The following RYR3 variants were observed in gnomAD, a reference collection of about 807,000 sequenced individuals.
RYR3 encodes the protein brain ryanodine receptor-calcium release channel.
A neutral mutation model predicts 584.3 loss-of-function variants in RYR3; 207 were observed. The ratio of observed to expected loss-of-function variants is 0.35; its 90% CI spans 0.32 to 0.40. The LOEUF is 0.40. Among genes scored for constraint, RYR3 ranks in the 10% least tolerant of loss-of-function variants. The pLI is 1.00. For missense variants in RYR3, 5,616 were observed against 6,089.2 expected, an observed-to-expected ratio of 0.92 and a Z score of 2.59; for synonymous variants, 2,416 against 2,248.5, an observed-to-expected ratio of 1.07 and a Z score of -2.11.
At chr15:33,572,656 T>TACACACACAC (rs1189671888) in intron 12 of RYR3, among the ~76,000 whole-genome samples, 98 of 124,448 alleles carry the variant, frequency 7.9e-4, no homozygotes, top group Non-Finnish European at 1.4e-3. Flanking sequence ...AAAAACTATA[T>TACACACACAC]ATACACACAC....
At chr15:33,571,338 T>A (rs1594955) in intron 12 of RYR3, among the ~76,000 whole-genome samples, 99,697 of 152,018 alleles carry the variant, frequency 0.66, 33,666 homozygotes, top group Middle Eastern at 0.76. Context: ...TCTATCGATA[T>A]GATCATATAG....
At chr15:33,357,431 GTCACCC>G (rs1218781596) in intron 1 of RYR3, among the ~76,000 whole-genome samples, 1 of 152,118 alleles carries the variant, frequency 6.6e-6, no homozygotes, top group African/African-American at 2.4e-5. Flanking sequence ...GTCACCCTTT[GTCACCC>G]TCACCTGTCA....
At chr15:33,733,130 G>C (rs4779641) in intron 48 of RYR3, among the ~76,000 whole-genome samples, 57,255 of 152,164 alleles carry the variant, frequency 0.38, 11,209 homozygotes, top group Admixed American at 0.48. Flanking sequence ...AACAGGAACT[G>C]TCATTCATTG....
intron 16 of RYR3, among the ~76,000 whole-genome samples, chr15:33,598,903 A>T (rs1469749445): frequency 6.6e-6 from 1 of 152,112 alleles, no homozygotes; most frequent in Non-Finnish European, 1.5e-5. Flanking sequence ...AAATACAAAA[A>T]AATTAGCCAG....
intron 1 of RYR3, among the ~76,000 whole-genome samples, chr15:33,425,767 G>A (rs1404921145): frequency 6.7e-6 from 1 of 149,254 alleles, no homozygotes; most frequent in African/African-American, 2.5e-5. Flanking sequence ...TCAGCCTCCC[G>A]AGTAGCTGGG....
intron 1 of RYR3, among the ~76,000 whole-genome samples, chr15:33,400,366 T>TC (rs1199467735): frequency 1.3e-5 from 2 of 152,070 alleles, no homozygotes; most frequent in African/African-American, 4.8e-5. Flanking sequence ...ATGGACTCCT[T>TC]CCCCCCGCCA....
intron 32 of RYR3, among the ~76,000 whole-genome samples, chr15:33,655,214 A>G (rs1566885326): frequency 6.6e-6 from 1 of 152,222 alleles, no homozygotes; most frequent in African/African-American, 2.4e-5. Context: ...GTAAAGTATT[A>G]TTCTTCTAGT....
chr15:33,511,415 G>A (rs769863746), intron 3 of RYR3, among the ~76,000 whole-genome samples: 86 of 149,500 alleles, frequency 5.8e-4, no homozygotes, highest in Non-Finnish European at 6.2e-4. Context: ...ACCTGCACAC[G>A]CTAAAATATC....
intron 18 of RYR3, 141 bp from the exon 19 acceptor site, chr15:33,613,042 G>A (rs1463296950): frequency 1.6e-6 from 1 of 616,602 alleles, no homozygotes; most frequent in Non-Finnish European, 2.9e-6. Context: ...AAGGAAAGTT[G>A]CATTTCAAAT....
chr15:33,770,336 A>G (rs1260484728), intron 62 of RYR3, among the ~76,000 whole-genome samples: 1 of 152,196 alleles, frequency 6.6e-6, no homozygotes, highest in East Asian at 1.9e-4. Context: ...GAAACTTGGG[A>G]AAAGTCTTGA....
intron 48 of RYR3, among the ~76,000 whole-genome samples, chr15:33,734,155 A>G (rs2152826206): frequency 6.6e-6 from 1 of 152,302 alleles, no homozygotes; most frequent in East Asian, 1.9e-4. Context: ...GGCCCCAAAA[A>G]GGGTTTTCTC....
chr15:33,827,667 C>A (rs1185174041), intron 85 of RYR3, among the ~76,000 whole-genome samples: 1 of 152,166 alleles, frequency 6.6e-6, no homozygotes, highest in Non-Finnish European at 1.5e-5. Flanking sequence ...GATGAGTTTA[C>A]AAGTTCGTGT....
In RYR3 at chr15:33,769,127, C is replaced by T. The variant is rs1241455808; in HGVS notation, c.8771C>T (p.Thr2924Ile). Reference sequence around the variant, plus strand: ...TTTATTCCAGGTAGTGATTCTACTACAATGGTGAGCTGTCTTCACATCTTA... The same window carrying T: ...TTTATTCCAGGTAGTGATTCTACTATAATGGTGAGCTGTCTTCACATCTTA... ...RISLFGSDSTTMVSCLHILAQ... is the reference protein window; with the variant it reads ...RISLFGSDSTIMVSCLHILAQ... The change falls in exon 62 of 104, where the codon ACA becomes ATA. Residue 2924 changes from threonine (T) to isoleucine (I), a missense_variant. Around this residue, in one of 9 missense-constraint regions of RYR3, gnomAD observed 1,280 missense variants for 1,426.2 expected, o/e 0.90. Transcript: ENST00000634891. 2 of 1,613,028 alleles carry T rather than the reference C, an allele frequency of 1.2e-6. No individual in the cohort carries two copies. Among genetic ancestry groups the T allele is most frequent in the Non-Finnish European group, 1.7e-6 (2 of 1,179,220 alleles).
At position 33,664,263 on chromosome 15, in the gene RYR3, G is replaced by T. The variant is rs562413701; in HGVS notation, c.5619+526G>T. Among the ~76,000 whole-genome samples, 5 of 152,242 alleles carry T rather than the reference G, an allele frequency of 3.3e-5. No homozygotes were observed. The East Asian group carries it at 9.7e-4, about 30-fold the overall frequency. On this transcript the variant is annotated intron_variant, in intron 36 of 103. Transcript: ENST00000634891. ...GCCTGGAGAAGGGGACTCAGTGAGT[G>T]AGTCATCTTTGTGATTTGTTGTATT...
intron 38 of RYR3, among the ~76,000 whole-genome samples, chr15:33,687,917 A>G (rs1014112884): frequency 6.6e-5 from 10 of 152,220 alleles, no homozygotes; most frequent in African/African-American, 1.7e-4. Context: ...TCAATTCAAG[A>G]TGGATTAAAG....
At chr15:33,583,026 A>G (rs2058672106) in intron 14 of RYR3, among the ~76,000 whole-genome samples, 1 of 152,106 alleles carries the variant, frequency 6.6e-6, no homozygotes, top group Admixed American at 6.6e-5. Context: ...AAATGACAGC[A>G]TATTTTCTCC....
At chr15:33,596,655 A>C (rs1779749520) in intron 16 of RYR3, among the ~76,000 whole-genome samples, 1 of 152,162 alleles carries the variant, frequency 6.6e-6, no homozygotes, top group Non-Finnish European at 1.5e-5. Context: ...AACATTTATC[A>C]TTTCTTTGTG....
chr15:33,771,936 G>A lies in RYR3; in HGVS notation c.8833G>A (p.Gly2945Ser). 6.2e-7 allele frequency: 1 copy of A among 1,611,860 alleles called. No homozygotes were observed. The highest frequency in any genetic ancestry group is 1.3e-5 in the African/African-American group (1 of 75,032). The change falls in exon 63 of 104, where the codon GGC (glycine) becomes AGC (serine). Residue 2945 changes from glycine (G) to serine (S), a missense_variant. By Grantham distance (56) the Gly-to-Ser change is moderately conservative. Transcript: ENST00000634891. ...TGCTTGCAGGACTGTCATGAAGTCA[G>A]GCTCAGAGCTGGTGAAGGCTGGGTT... ...TLDTRTVMKS[G>S]SELVKAGLRA... is the part of the protein sequence containing the mutation.
intron 12 of RYR3, among the ~76,000 whole-genome samples, chr15:33,572,345 TACAAG>T (rs1249422507): frequency 6.6e-6 from 1 of 152,134 alleles, no homozygotes; most frequent in Non-Finnish European, 1.5e-5. Flanking sequence ...TAGTATTTCT[TACAAG>T]ACAAGCCTGT....
Sources: allele counts gnomAD v4.1 joint callset (sites outside exome capture counted in the v4.1 genomes callset), GRCh38; gene constraint gnomAD v4.1.1; regional missense constraint gnomAD v4.1.1; transcripts MANE v1.5; gene names NCBI Gene and HGNC (gene_info 2026-07-23, HGNC 2026-07-21).